LYPLAL1: variants seen among roughly 807,000 people sequenced by gnomAD.
LYPLAL1 encodes lysophospholipase like 1.
A neutral mutation model predicts 19.7 loss-of-function variants in LYPLAL1; 23 were observed. That is an observed-to-expected ratio of 1.17 (90% CI 0.84 to 1.65). The LOEUF is 1.65. Ranked by LOEUF, LYPLAL1 falls within the 40% of genes most tolerant of loss-of-function variation. The pLI is 0.00. For synonymous variants in LYPLAL1, 119 were observed against 96.3 expected, an observed-to-expected ratio of 1.24 and a Z score of -1.38; for missense variants, 355 against 279.4, an observed-to-expected ratio of 1.27 and a Z score of -1.93.
chr1:219,353,827 T>C, the LYPLAL1 span, among the ~76,000 whole-genome samples: 5 of 152,124 alleles, frequency 3.3e-5, no homozygotes, highest in East Asian at 9.7e-4. Context: ...CATCAAAATA[T>C]GACCGAGAAA....
At chr1:219,307,455 T>C in the LYPLAL1 span, among the ~76,000 whole-genome samples, 135,834 of 152,262 alleles carry the variant, frequency 0.89, 60,606 homozygotes, top group East Asian at 0.99. Flanking sequence ...AAAAAATAAA[T>C]TTGCATTTTG....
chr1:219,204,863 A>G (rs936356209), intron 3 of LYPLAL1, among the ~76,000 whole-genome samples: 5 of 152,168 alleles, frequency 3.3e-5, no homozygotes, highest in Admixed American at 2.0e-4. Context: ...ATTTAGGCTT[A>G]ACTTAGATCT....
At chr1:219,443,378 C>T in the LYPLAL1 span, among the ~76,000 whole-genome samples, 2 of 152,176 alleles carry the variant, frequency 1.3e-5, no homozygotes, top group Admixed American at 1.3e-4. Context: ...AATGCATCTA[C>T]TAAGCTTTAC....
rs764060452 is a variant in LYPLAL1 at position 219,193,283 on chromosome 1, T to C, written c.361+32T>C. The C allele has an allele frequency of 2.7e-5, 42 of 1,554,052 alleles. 1 individual carries two copies. The South Asian group carries it at 4.5e-4, about 17-fold the overall frequency. On this transcript the variant is annotated intron_variant, in intron 3 of 4. Coordinates refer to ENST00000366928, the MANE Select transcript of LYPLAL1 (RefSeq NM_138794.5). ...CCTTTAAATGTTGGTAATTTATCACTGTTCACTTTTGTCTAATTCTATACA... is the reference window on the plus strand; with the variant it reads ...CCTTTAAATGTTGGTAATTTATCACCGTTCACTTTTGTCTAATTCTATACA...
chr1:219,399,425 G>A, the LYPLAL1 span, among the ~76,000 whole-genome samples: 41 of 152,308 alleles, frequency 2.7e-4, no homozygotes, highest in African/African-American at 9.4e-4. Context: ...CAGTTGCCAG[G>A]ATAAGGGGGA....
chr1:219,434,158 T>G, the LYPLAL1 span, among the ~76,000 whole-genome samples: 1 of 152,236 alleles, frequency 6.6e-6, no homozygotes, highest in East Asian at 1.9e-4. Flanking sequence ...TTTTTGTCAC[T>G]TAGTTCCAAT....
At chr1:219,435,603 G>C in the LYPLAL1 span, among the ~76,000 whole-genome samples, 1 of 152,006 alleles carries the variant, frequency 6.6e-6, no homozygotes, top group Non-Finnish European at 1.5e-5. Flanking sequence ...GAGGCAGGCG[G>C]ATCACGAGGT....
the LYPLAL1 span, among the ~76,000 whole-genome samples, chr1:219,386,696 G>A: frequency 6.6e-6 from 1 of 152,118 alleles, no homozygotes; most frequent in Non-Finnish European, 1.5e-5. Context: ...TGTCTCATAA[G>A]AGCTTCAAGC....
the LYPLAL1 span, among the ~76,000 whole-genome samples, chr1:219,430,754 G>A: frequency 6.6e-6 from 1 of 152,162 alleles, no homozygotes; most frequent in Non-Finnish European, 1.5e-5. Context: ...TCTCCTTAAA[G>A]GAGGTATACT....
chr1:219,334,376 C>T, the LYPLAL1 span, among the ~76,000 whole-genome samples: 1 of 151,822 alleles, frequency 6.6e-6, no homozygotes, highest in Non-Finnish European at 1.5e-5. Context: ...GATTATTTGC[C>T]CTCCCCTAAT....
chr1:219,380,025 C>T, the LYPLAL1 span, among the ~76,000 whole-genome samples: 1 of 152,206 alleles, frequency 6.6e-6, no homozygotes, highest in Admixed American at 6.5e-5. Flanking sequence ...TGTGGATGGA[C>T]ACCACGAACT....
the LYPLAL1 span, among the ~76,000 whole-genome samples, chr1:219,270,303 G>T: frequency 1.3e-5 from 2 of 152,220 alleles, no homozygotes; most frequent in Admixed American, 1.3e-4. Flanking sequence ...AAAGAGAAGT[G>T]CTCTCTCTGC....
At chr1:219,410,657 G>A in the LYPLAL1 span, among the ~76,000 whole-genome samples, 1 of 152,346 alleles carries the variant, frequency 6.6e-6, no homozygotes, top group Admixed American at 6.5e-5. Context: ...GGAGGGAGAG[G>A]CAAGAGCGGG....
chr1:219,187,531 A>G (rs1173896079), intron 2 of LYPLAL1, among the ~76,000 whole-genome samples: 1 of 151,708 alleles, frequency 6.6e-6, no homozygotes, highest in Non-Finnish European at 1.5e-5. Flanking sequence ...TAGAATTTCC[A>G]TTTAAAAATA....
intron 2 of LYPLAL1, among the ~76,000 whole-genome samples, chr1:219,182,945 T>C (rs1654975040): frequency 1.3e-5 from 2 of 152,118 alleles, no homozygotes; most frequent in Admixed American, 1.3e-4. Context: ...AAGCCAGTAT[T>C]TATAGAAATG....
At chr1:219,241,130 C>CTATATATATA in the LYPLAL1 span, among the ~76,000 whole-genome samples, 30 of 71,090 alleles carry the variant, frequency 4.2e-4, no homozygotes, top group East Asian at 8.4e-4. Context: ...CTCTCTCTCT[C>CTATATATATA]TCTCTATATA....
the LYPLAL1 span, among the ~76,000 whole-genome samples, chr1:219,281,879 C>A: frequency 2.0e-5 from 3 of 152,168 alleles, no homozygotes; most frequent in African/African-American, 7.2e-5. Context: ...GGGACGTCAT[C>A]CCCACAGACC....
At chr1:219,274,328 A>C in the LYPLAL1 span, among the ~76,000 whole-genome samples, 1 of 152,208 alleles carries the variant, frequency 6.6e-6, no homozygotes, top group African/African-American at 2.4e-5. Flanking sequence ...AGAAATGATA[A>C]AATAGAAGAC....
the LYPLAL1 span, among the ~76,000 whole-genome samples, chr1:219,346,832 A>G: frequency 6.6e-6 from 1 of 152,212 alleles, no homozygotes; most frequent in Non-Finnish European, 1.5e-5. Context: ...TAGAAGGGAA[A>G]CAGAGACCAG....
Sources: allele counts gnomAD v4.1 joint callset (sites outside exome capture counted in the v4.1 genomes callset), GRCh38; gene constraint gnomAD v4.1.1; transcripts MANE v1.5; gene names NCBI Gene and HGNC (gene_info 2026-07-23, HGNC 2026-07-21).